Variants in FYCO1 observed in about 807,000 individuals in gnomAD.
FYCO1 encodes the protein FYVE and coiled-coil domain-containing protein 1.
Under a neutral mutation model 165.1 loss-of-function variants are expected in FYCO1, and 122 were observed. The ratio of observed to expected loss-of-function variants is 0.74; its 90% CI spans 0.64 to 0.86. The LOEUF is 0.86. Among genes scored for constraint, FYCO1 ranks in the 40% least tolerant of loss-of-function variants. The pLI is 0.00. For synonymous variants in FYCO1, 648 were observed against 742.5 expected (o/e 0.87, Z 2.07); for missense variants, 1,702 against 1,810.3 (o/e 0.94, Z 1.09).
chr3:45,935,908 C>T (rs1393622823), intron 15 of FYCO1, among the ~76,000 whole-genome samples: 2 of 152,126 alleles, frequency 1.3e-5, no homozygotes, highest in Non-Finnish European at 2.9e-5. Flanking sequence ...GACAATTATG[C>T]AGCCACTGGA....
rs568034727 is a variant in FYCO1, at chr3:45,946,582, T to C, written c.3944+8667A>G. On this transcript the variant is annotated intron_variant, in intron 14 of 17. Coordinates refer to ENST00000296137, the MANE Select transcript of FYCO1 (RefSeq NM_024513.4). ...TTCCTGCAGTTCAGCAAGGTCTTTCTGCCCTGCATGTACCTGGTGGTGTTT... is the reference window on the plus strand; with the variant it reads ...TTCCTGCAGTTCAGCAAGGTCTTTCCGCCCTGCATGTACCTGGTGGTGTTT... The C allele has an allele frequency of 3.8e-5, 61 of 1,614,138 alleles. No individual in the cohort carries two copies. Among genetic ancestry groups the C allele is most frequent in the Non-Finnish European group, 4.8e-5 (57 of 1,180,054 alleles).
At chr3:45,946,428 CCCCAAATATAATT>C in intron 14 of FYCO1, 1 of 1,495,834 alleles carries the variant, frequency 6.7e-7, no homozygotes, top group Non-Finnish European at 9.2e-7. Flanking sequence ...CCATCCTCAG[CCCCAAATATAATT>C]CCTGGGTTCT....
At chr3:45,957,453 T>C (rs1418597571) in intron 13 of FYCO1, among the ~76,000 whole-genome samples, 1 of 152,230 alleles carries the variant, frequency 6.6e-6, no homozygotes, top group Non-Finnish European at 1.5e-5. Context: ...TTTTTGCTCT[T>C]TGAAAGAAAA....
intron 16 of FYCO1, among the ~76,000 whole-genome samples, chr3:45,925,261 G>T (rs1483841715): frequency 4.0e-5 from 6 of 150,204 alleles, no homozygotes; most frequent in Non-Finnish European, 1.5e-5. Context: ...GAAGTGACTA[G>T]CACCTAGAGG....
At chr3:45,955,220 C>A in intron 14 of FYCO1, 29 bp downstream of exon 14, 1 of 1,612,612 alleles carries the variant, frequency 6.2e-7, no homozygotes, top group Non-Finnish European at 8.5e-7. Flanking sequence ...GTAATGAGCA[C>A]TCAGGAAATG....
chr3:45,933,702 C>T (rs374216834), intron 15 of FYCO1, among the ~76,000 whole-genome samples: 54 of 152,212 alleles, frequency 3.5e-4, no homozygotes, highest in Non-Finnish European at 6.0e-4. Flanking sequence ...AACAGCTTAG[C>T]GTCTCTGAGC....
Position 45,965,036 on chromosome 3 carries a change from C to CA in FYCO1, c.3146dup (p.Lys1050GlufsTer15), listed in dbSNP as rs1179725166. 6.2e-7 allele frequency: 1 copy of CA among 1,613,944 alleles called. No homozygotes were observed. Among genetic ancestry groups the CA allele is most frequent in the Non-Finnish European group, 8.5e-7 (1 of 1,179,908 alleles). ...GGTCTACACTACCAGGGCCTACCTT[C>CA]AGCTTCTCCACAGCTTCCTCAGCAG... On this transcript the variant is annotated frameshift_variant, in exon 9 of 18. Transcript: ENST00000296137. LOFTEE classifies it high-confidence loss of function.
Position 45,973,175 on chromosome 3 carries a change from A to T in FYCO1, c.452T>A (p.Val151Glu), listed in dbSNP as rs142081868. The T allele has an allele frequency of 6.2e-7, 1 of 1,614,226 alleles. No homozygotes were observed. The highest frequency in any genetic ancestry group is 1.3e-5 in the African/African-American group (1 of 75,060). The change falls in exon 6 of 18, where the codon GTG (valine) becomes GAG (glutamate). Residue 151 changes from valine (V) to glutamate (E), a missense_variant. Physicochemically the swap from Val to Glu is moderately radical, Grantham distance 121 (BLOSUM62 -2). Coordinates refer to ENST00000296137, the MANE Select transcript of FYCO1 (RefSeq NM_024513.4). Reference sequence around the variant, plus strand: ...CTCAGTCAGCTCATAGAGTTGGCCCACAATGTCCGAGCTCAGCTTTGGCTG... The same window carrying T: ...CTCAGTCAGCTCATAGAGTTGGCCCTCAATGTCCGAGCTCAGCTTTGGCTG... The part of the protein sequence containing the change: ...FLQPKLSSDI[V>E]GQLYELTEVQ...
chr3:45,929,196 A>G (rs565784703), intron 16 of FYCO1, among the ~76,000 whole-genome samples: 4 of 152,386 alleles, frequency 2.6e-5, no homozygotes, highest in South Asian at 2.1e-4. Flanking sequence ...CTGTGAAGGC[A>G]GAGGAGCACC....
chr3:45,944,795 C>T (rs1008298219), intron 14 of FYCO1, among the ~76,000 whole-genome samples: 5 of 152,112 alleles, frequency 3.3e-5, no homozygotes, highest in Non-Finnish European at 5.9e-5. Flanking sequence ...AAGGCGAGAG[C>T]GAGTCAAGCA....
chr3:45,966,573 G>T lies in FYCO1; in HGVS notation c.2761C>A (p.Arg921=), dbSNP rs778061823. 4 of 1,614,066 alleles carry T rather than the reference G, an allele frequency of 2.5e-6. No individual in the cohort carries two copies. The highest frequency in any genetic ancestry group is 3.4e-6 in the Non-Finnish European group (4 of 1,180,050). The change falls in exon 8 of 18, where the codon CGA becomes AGA. Residue 921 remains arginine (R), a synonymous_variant. Coordinates refer to ENST00000296137, the MANE Select transcript of FYCO1 (RefSeq NM_024513.4). ...GCACAGGCCAGTGCCTCCTCCACTC[G>T]CTCCTTTTCCACGGTCAGTGCGCAA... ...QVCALTVEKE[R]VEEALACAVQ...
At chr3:45,925,320 A>T (rs915707240) in intron 16 of FYCO1, among the ~76,000 whole-genome samples, 2 of 152,078 alleles carry the variant, frequency 1.3e-5, no homozygotes, top group Non-Finnish European at 2.9e-5. Context: ...GACTGACTAC[A>T]CATAAATGGT....
intron 14 of FYCO1, among the ~76,000 whole-genome samples, chr3:45,937,884 G>C (rs1703987041): frequency 6.6e-6 from 1 of 152,140 alleles, no homozygotes; most frequent in African/African-American, 2.4e-5. Context: ...CAGAAACAGG[G>C]AACATCAGTG....
intron 17 of FYCO1, among the ~76,000 whole-genome samples, chr3:45,922,117 A>C (rs997557886): frequency 6.6e-6 from 1 of 152,206 alleles, no homozygotes; most frequent in African/African-American, 2.4e-5. Context: ...GCTGCTCTGA[A>C]GCAGCTGGTG....
Position 45,966,738 on chromosome 3 carries a change from T to G in FYCO1, c.2596A>C (p.Arg866=). 6.2e-7 allele frequency: 1 copy of G among 1,611,544 alleles called. No homozygotes were observed. Among genetic ancestry groups the G allele is most frequent in the Non-Finnish European group, 8.5e-7 (1 of 1,179,910 alleles). Residue 866 remains arginine, a synonymous_variant, in exon 8 of 18, where the codon AGG becomes CGG. Transcript: ENST00000296137. ...QEERADEAQQ[R]EEELRALQEE... ...TGCAGGGCCCGCAGCTCCTCCTCCC[T>G]CTGCTGGGCCTCATCGGCCCTCTCC...
chr3:45,966,657 C>T lies in FYCO1; in HGVS notation c.2677G>A (p.Glu893Lys), dbSNP rs767569000. 1 of 1,614,140 alleles carries T rather than the reference C, an allele frequency of 6.2e-7. No homozygotes were observed. The highest frequency in any genetic ancestry group is 1.1e-5 in the South Asian group (1 of 91,084). Residue 893 changes from glutamate (E) to lysine (K), a missense_variant, in exon 8 of 18, where the codon GAG (glutamate) becomes AAG (lysine). Glu to Lys is a moderately conservative substitution (Grantham distance 56). Coordinates refer to ENST00000296137, the MANE Select transcript of FYCO1 (RefSeq NM_024513.4). ...GCCCGGTGCAGCTGCTCTTGCAGCT[C>T]AGCGTGCTCCAGCTGTGCTTCCTCG... Reference protein sequence around the residue: ...SSEEAQLEHAELQEQLHRANT... With the variant: ...SSEEAQLEHAKLQEQLHRANT...
At chr3:45,926,256 G>A (rs1177572511) in intron 16 of FYCO1, among the ~76,000 whole-genome samples, 1 of 152,166 alleles carries the variant, frequency 6.6e-6, no homozygotes, top group African/African-American at 2.4e-5. Flanking sequence ...ACCCTATCAT[G>A]CCTACAAGAA....
chr3:45,976,326 C>T (rs1328351086), intron 4 of FYCO1, among the ~76,000 whole-genome samples: 3 of 152,250 alleles, frequency 2.0e-5, no homozygotes, highest in African/African-American at 7.2e-5. Context: ...TGCCATGAGG[C>T]TGCAAAGCAG....
intron 5 of FYCO1, among the ~76,000 whole-genome samples, chr3:45,974,023 T>C (rs1706589192): frequency 1.3e-5 from 2 of 152,196 alleles, no homozygotes. Flanking sequence ...ATCATGCCAC[T>C]GCACTCCAGC....
Sources: allele counts gnomAD v4.1 joint callset (sites outside exome capture counted in the v4.1 genomes callset), GRCh38; gene constraint gnomAD v4.1.1; transcripts MANE v1.5; gene names NCBI Gene and HGNC (gene_info 2026-07-23, HGNC 2026-07-21).